Variants in EPHA5 observed in about 807,000 individuals in gnomAD.
The protein encoded by EPHA5 is ephrin type-A receptor 5.
A neutral mutation model predicts 105.0 loss-of-function variants in EPHA5; 60 were observed. The ratio of observed to expected loss-of-function variants is 0.57; its 90% CI spans 0.46 to 0.71. EPHA5 has a LOEUF of 0.71. EPHA5 is among the 30% of genes least tolerant of loss of function. The probability of loss-of-function intolerance (pLI) is 0.00; values close to 1 mark genes in which losing one functional copy is unlikely to be tolerated. For missense variants in EPHA5, 1,218 were observed against 1,274.7 expected, an observed-to-expected ratio of 0.96 and a Z score of 0.68; for synonymous variants, 513 against 449.1, an observed-to-expected ratio of 1.14 and a Z score of -1.80.
At chr4:65,636,325 A>G (rs1484918699) in intron 2 of EPHA5, among the ~76,000 whole-genome samples, 1 of 152,118 alleles carries the variant, frequency 6.6e-6, no homozygotes, top group African/African-American at 2.4e-5. Flanking sequence ...CCTCTTTAGC[A>G]TGGACTCTTG....
chr4:65,331,202 A>T, intron 16 of EPHA5: 1 of 1,030,074 alleles, frequency 9.7e-7, no homozygotes, highest in Non-Finnish European at 1.2e-6. Context: ...CATTAATGTT[A>T]ATGTAATCTA....
At chr4:65,511,586 A>G (rs1733632775) in intron 3 of EPHA5, among the ~76,000 whole-genome samples, 1 of 152,188 alleles carries the variant, frequency 6.6e-6, no homozygotes, top group South Asian at 2.1e-4. Context: ...GACACTCTGA[A>G]TCCTTTAATA....
intron 16 of EPHA5, chr4:65,331,253 A>T (rs937534473): frequency 9.7e-7 from 1 of 1,029,922 alleles, no homozygotes; most frequent in Non-Finnish European, 1.2e-6. Flanking sequence ...CACAAATAAC[A>T]ATTAGGCTAA....
chr4:65,620,083 A>G (rs1745579809), intron 2 of EPHA5, among the ~76,000 whole-genome samples: 2 of 143,596 alleles, frequency 1.4e-5, no homozygotes, highest in Admixed American at 1.4e-4. Context: ...AAACTACACC[A>G]GATCTACAGA....
At chr4:65,486,269 C>T (rs935684008) in intron 5 of EPHA5, among the ~76,000 whole-genome samples, 13 of 151,636 alleles carry the variant, frequency 8.6e-5, no homozygotes, top group African/African-American at 2.9e-4. Flanking sequence ...ATTTACACCC[C>T]CCCACCCCCA....
At chr4:65,655,586 A>G (rs1389239513) in intron 1 of EPHA5, among the ~76,000 whole-genome samples, 2 of 152,156 alleles carry the variant, frequency 1.3e-5, no homozygotes, top group Non-Finnish European at 2.9e-5. Context: ...AACTAGTTCC[A>G]GTGTCAGTAC....
chr4:65,492,993 G>GTTT (rs4075740), intron 4 of EPHA5, among the ~76,000 whole-genome samples: 57 of 150,094 alleles, frequency 3.8e-4, no homozygotes, highest in South Asian at 1.7e-3. Flanking sequence ...GTTTTGTTTT[G>GTTT]TTTTTTAATT....
At chr4:65,394,346 A>C (rs1280452537) in intron 8 of EPHA5, among the ~76,000 whole-genome samples, 3 of 152,216 alleles carry the variant, frequency 2.0e-5, no homozygotes, top group African/African-American at 7.2e-5. Flanking sequence ...TGGGGAAGTT[A>C]TATCCTAAAG....
At chr4:65,596,332 C>T (rs916521465) in intron 3 of EPHA5, among the ~76,000 whole-genome samples, 1 of 151,926 alleles carries the variant, frequency 6.6e-6, no homozygotes, top group African/African-American at 2.4e-5. Context: ...TGTCCTACTG[C>T]GTCTAGAGGG....
intron 8 of EPHA5, among the ~76,000 whole-genome samples, chr4:65,381,253 TGGAGTCTATGAAGCAA>T (rs1428979877): frequency 2.6e-5 from 4 of 151,742 alleles, no homozygotes; most frequent in African/African-American, 9.7e-5. Context: ...AGTATATATG[TGGAGTCTATGAAGCAA>T]TTAATGTAAA....
chr4:65,497,325 T>C (rs1052297896), intron 3 of EPHA5, among the ~76,000 whole-genome samples: 29 of 152,094 alleles, frequency 1.9e-4, no homozygotes, highest in Admixed American at 1.8e-3. Context: ...TAATCAGGAA[T>C]TGGCAAAATT....
At chr4:65,413,060 C>T (rs897488451) in intron 7 of EPHA5, among the ~76,000 whole-genome samples, 4 of 152,078 alleles carry the variant, frequency 2.6e-5, no homozygotes, top group African/African-American at 9.7e-5. Flanking sequence ...ACTTATATAG[C>T]ATACCTTTTT....
chr4:65,593,526 T>C (rs1301775507), intron 3 of EPHA5, among the ~76,000 whole-genome samples: 3 of 152,206 alleles, frequency 2.0e-5, no homozygotes, highest in Admixed American at 6.5e-5. Context: ...TAGATCCAGA[T>C]TTAACATTCT....
chr4:65,543,326 T>G (rs1737033099), intron 3 of EPHA5, among the ~76,000 whole-genome samples: 1 of 151,900 alleles, frequency 6.6e-6, no homozygotes, highest in South Asian at 2.1e-4. Flanking sequence ...GAAAACCCCA[T>G]CATCTCAGCC....
At chr4:65,367,236 T>TAA (rs199743769) in intron 9 of EPHA5, 121 bp downstream of exon 9, 1,918 of 657,320 alleles carry the variant, frequency 2.9e-3, no homozygotes, top group Non-Finnish European at 3.5e-3. Flanking sequence ...AGAACACTTT[T>TAA]AAAAAAAAAA....
At chr4:65,578,961 C>T (rs1741338810) in intron 3 of EPHA5, among the ~76,000 whole-genome samples, 1 of 151,710 alleles carries the variant, frequency 6.6e-6, no homozygotes, top group South Asian at 2.1e-4. Context: ...TAATCTAGTA[C>T]TATGGTAACT....
chr4:65,401,061 T>C (rs11723418), intron 8 of EPHA5, among the ~76,000 whole-genome samples: 1 of 151,282 alleles, frequency 6.6e-6, no homozygotes, highest in African/African-American at 2.4e-5. Flanking sequence ...TGTGTGTGTG[T>C]GAGAGAGAGA....
chr4:65,491,518 A>C (rs1379430099), intron 4 of EPHA5, among the ~76,000 whole-genome samples: 1 of 152,118 alleles, frequency 6.6e-6, no homozygotes, highest in Admixed American at 6.5e-5. Context: ...GAAAAGAAAT[A>C]GATTTAACAC....
intron 4 of EPHA5, among the ~76,000 whole-genome samples, chr4:65,491,448 C>T (rs916935873): frequency 1.3e-5 from 2 of 151,904 alleles, no homozygotes. Context: ...TGAATAAAAG[C>T]GTTCAGATTT....
Sources: allele counts gnomAD v4.1 joint callset (sites outside exome capture counted in the v4.1 genomes callset), GRCh38; gene constraint gnomAD v4.1.1; transcripts MANE v1.5; gene names NCBI Gene and HGNC (gene_info 2026-07-23, HGNC 2026-07-21).